Variants in SNX29 observed in about 807,000 individuals in gnomAD.
SNX29 encodes the protein sorting nexin 29, also known as sorting nexin-29.
SNX29 carries 78 observed loss-of-function variants against 102.1 expected under a neutral mutation model. The ratio of observed to expected loss-of-function variants is 0.76; its 90% confidence interval spans 0.64 to 0.92. The LOEUF is 0.92. Ranked by LOEUF, SNX29 falls within the 40% of genes least tolerant of loss-of-function variation. SNX29 has a pLI of 0.00. For missense variants in SNX29, 1,280 were observed against 1,061.7 expected, an observed-to-expected ratio of 1.21 and a Z score of -2.86; for synonymous variants, 580 against 414.5, an observed-to-expected ratio of 1.40 and a Z score of -4.85.
intron 16 of SNX29, among the ~76,000 whole-genome samples, chr16:12,392,731 C>T (rs546729853): frequency 2.0e-5 from 3 of 152,146 alleles, no homozygotes; most frequent in Non-Finnish European, 2.9e-5. Flanking sequence ...AATCCTTGAC[C>T]TCAGCTGTTT....
chr16:12,497,245 A>C (rs967613062), intron 19 of SNX29, among the ~76,000 whole-genome samples: 2 of 152,268 alleles, frequency 1.3e-5, no homozygotes, highest in Non-Finnish European at 1.5e-5. Flanking sequence ...GAAAAGCTTC[A>C]TTAATTTCTA....
At chr16:12,462,691 C>G (rs968742743) in intron 18 of SNX29, among the ~76,000 whole-genome samples, 14 of 152,156 alleles carry the variant, frequency 9.2e-5, no homozygotes, top group African/African-American at 3.4e-4. Flanking sequence ...GGTCCAGCTT[C>G]TATTCCTCAC....
chr16:12,482,218 C>T (rs1017767755), intron 19 of SNX29, among the ~76,000 whole-genome samples: 3 of 152,216 alleles, frequency 2.0e-5, no homozygotes, highest in Non-Finnish European at 2.9e-5. Context: ...TTGTGGCACA[C>T]GTCTAGACAA....
intron 15 of SNX29, among the ~76,000 whole-genome samples, chr16:12,317,087 C>T (rs934085362): frequency 6.6e-6 from 1 of 152,248 alleles, no homozygotes; most frequent in Non-Finnish European, 1.5e-5. Context: ...AATTCGGTTA[C>T]AGTGTTTCTC....
At chr16:12,458,412 C>T (rs571372677) in intron 18 of SNX29, among the ~76,000 whole-genome samples, 7 of 152,294 alleles carry the variant, frequency 4.6e-5, no homozygotes, top group African/African-American at 1.7e-4. Flanking sequence ...GCATCAAACG[C>T]GAGCCCTATG....
intron 13 of SNX29, among the ~76,000 whole-genome samples, chr16:12,149,734 G>C (rs2055219031): frequency 6.6e-6 from 1 of 152,120 alleles, no homozygotes; most frequent in Non-Finnish European, 1.5e-5. Context: ...ACATAATGCA[G>C]GTAAAGAAGT....
At chr16:12,520,669 C>A (rs943874071) in intron 19 of SNX29, among the ~76,000 whole-genome samples, 1 of 152,120 alleles carries the variant, frequency 6.6e-6, no homozygotes, top group African/African-American at 2.4e-5. Flanking sequence ...AAGCAAAAGG[C>A]CATTATTCTA....
intron 3 of SNX29, among the ~76,000 whole-genome samples, chr16:12,026,432 G>A (rs545725897): frequency 3.3e-5 from 5 of 152,194 alleles, no homozygotes; most frequent in Non-Finnish European, 5.9e-5. Context: ...TGCCTGGCAT[G>A]TGGGAGACAT....
At chr16:12,538,509 A>G (rs562958451) in intron 20 of SNX29, among the ~76,000 whole-genome samples, 57 of 152,246 alleles carry the variant, frequency 3.7e-4, no homozygotes, top group South Asian at 8.3e-4. Context: ...CTTTGTTGGT[A>G]TGTGATAACA....
At chr16:12,297,316 C>T (rs1008312384) in intron 15 of SNX29, 1 of 152,286 alleles carries the variant, frequency 6.6e-6, no homozygotes, top group African/African-American at 2.4e-5. Context: ...GAGTGATTTT[C>T]AAGTAATGCC....
chr16:12,075,755 C>T (rs1039262853), intron 10 of SNX29, among the ~76,000 whole-genome samples: 6 of 152,202 alleles, frequency 3.9e-5, no homozygotes, highest in Non-Finnish European at 4.4e-5. Flanking sequence ...TTTGTCTGTG[C>T]CCTGCCCCCA....
intron 20 of SNX29, among the ~76,000 whole-genome samples, chr16:12,532,735 C>G (rs967087865): frequency 6.6e-6 from 1 of 151,996 alleles, no homozygotes; most frequent in Non-Finnish European, 1.5e-5. Context: ...GAGGTGTTGG[C>G]CTTGGATGGA....
At chr16:12,052,383 A>G in intron 8 of SNX29, 161 bp downstream of exon 8, 1 of 678,070 alleles carries the variant, frequency 1.5e-6, no homozygotes. Flanking sequence ...CACCCAGCTA[A>G]TTTTTGTATT....
At chr16:12,386,391 C>T (rs537363545) in intron 16 of SNX29, among the ~76,000 whole-genome samples, 28 of 152,262 alleles carry the variant, frequency 1.8e-4, no homozygotes, top group South Asian at 1.2e-3. Context: ...ATATTCTTTC[C>T]ATGGAGGAGG....
chr16:12,047,301 C>A (rs1245180765), intron 6 of SNX29, among the ~76,000 whole-genome samples: 2 of 152,216 alleles, frequency 1.3e-5, no homozygotes, highest in Non-Finnish European at 2.9e-5. Context: ...ATCAGCCGGA[C>A]TGAAGTGGGC....
At chr16:12,053,335 A>G (rs1358777624) in intron 8 of SNX29, 2 of 150,462 alleles carry the variant, frequency 1.3e-5, no homozygotes, top group Non-Finnish European at 2.9e-5. Context: ...TAAGCTAGTT[A>G]CCTCTTAGGC....
chr16:12,376,264 G>A (rs1333919349), intron 16 of SNX29, among the ~76,000 whole-genome samples: 6 of 152,128 alleles, frequency 3.9e-5, no homozygotes, highest in African/African-American at 1.4e-4. Flanking sequence ...CTGGCCCCCC[G>A]GGAGCGAGTT....
chr16:12,129,875 C>G (rs1010747736), intron 13 of SNX29, 117 bp downstream of exon 13: 2 of 1,249,002 alleles, frequency 1.6e-6, no homozygotes. Flanking sequence ...GAGGCCAAGG[C>G]GGGTGGATCA....
chr16:12,062,603 T>C (rs942303503), intron 9 of SNX29, among the ~76,000 whole-genome samples: 2 of 151,998 alleles, frequency 1.3e-5, no homozygotes, highest in African/African-American at 2.4e-5. Context: ...GCCCAGTTGC[T>C]GTCCCTGCCC....
Sources: allele counts gnomAD v4.1 joint callset (sites outside exome capture counted in the v4.1 genomes callset), GRCh38; gene constraint gnomAD v4.1.1; transcripts MANE v1.5; gene names NCBI Gene and HGNC (gene_info 2026-07-23, HGNC 2026-07-21).